MAP3K15: variants seen among roughly 807,000 people sequenced by gnomAD.
MAP3K15 encodes MAPK/ERK kinase kinase 15.
In MAP3K15, 124 loss-of-function variants were observed where a neutral mutation model predicts 99.5. The ratio of observed to expected loss-of-function variants is 1.25; its 90% CI spans 1.08 to 1.45. The LOEUF (loss-of-function observed/expected upper bound fraction) is 1.45, where lower values mean the gene tolerates loss of function less well. MAP3K15 is among the 40% of genes most tolerant of loss of function. The pLI, the probability that MAP3K15 is intolerant of heterozygous loss-of-function variation, is 0.00. For missense variants in MAP3K15, 1,242 were observed against 1,079.7 expected, an observed-to-expected ratio of 1.15 and a Z score of -2.11; for synonymous variants, 494 against 439.6, an observed-to-expected ratio of 1.12 and a Z score of -1.55.
At chrX:19,447,909 A>AAAAAAAAAAAAAAC (rs2064012619) in intron 6 of MAP3K15, among the ~76,000 whole-genome samples, 1 of 95,990 alleles carries the variant, frequency 1.0e-5, no homozygotes, top group African/African-American at 3.6e-5. Flanking sequence ...AAAAAAAGAA[A>AAAAAAAAAAAAAAC]CCCACGAAAA....
chrX:19,423,444 A>T (rs1432906828), intron 9 of MAP3K15, among the ~76,000 whole-genome samples: 4 of 110,880 alleles, frequency 3.6e-5, no homozygotes, highest in Non-Finnish European at 7.6e-5. Context: ...CTCTGACCAC[A>T]CCTTTGCTCT....
Position 19,365,497 on chromosome X carries a change from A to G in MAP3K15, c.3567-2647T>C, listed in dbSNP as rs777801416. Among the ~76,000 whole-genome samples the G allele has an allele frequency of 3.6e-5, 4 of 112,611 alleles. No individual in the cohort carries two copies. The South Asian group carries it at 1.5e-3, about 41-fold the overall frequency. On this transcript the variant is annotated intron_variant, in intron 25 of 28. Transcript: ENST00000338883. ...GGGTCTTCATGCTGAAGTTAAATAC[A>G]TGTTAAATACATTTGCATGCCTTTT...
rs1187637911 is a variant in MAP3K15 at position 19,514,968 on chromosome X, G to T, written c.294C>A (p.Leu98=). 1 of 1,145,593 alleles carries T rather than the reference G, an allele frequency of 8.7e-7. No homozygotes were observed. Among genetic ancestry groups the T allele is most frequent in the Non-Finnish European group, 1.2e-6 (1 of 868,067 alleles). 94.4% of individuals were successfully genotyped at this position (1,145,593 alleles called of 1,213,427 possible). ...CCAGCTCCCCGAAGGGCACGGAGGT[G>T]AGGTGAGCGCCCTCGGCCTCGCAGG... The part of the protein sequence containing the change: ...LRACEAEGAH[L]TSVPFGELDF... The change falls in exon 1 of 29, where the codon CTC becomes CTA. Residue 98 remains leucine (L), a synonymous_variant. Transcript: ENST00000338883.
chrX:19,430,319 G>A lies in MAP3K15; in HGVS notation c.1166+1119C>T, dbSNP rs138452729. On this transcript the variant is annotated intron_variant, in intron 7 of 28. Coordinates refer to ENST00000338883, the MANE Select transcript of MAP3K15 (RefSeq NM_001001671.4). ...GGTCTACCAGGATTAGAACCACATG[G>A]TGGAGAGCTAAGGTACAGTATCAGT... Among the ~76,000 whole-genome samples, 53 of 111,622 alleles carry A rather than the reference G, an allele frequency of 4.7e-4. 1 individual carries two copies. In the East Asian group the frequency reaches 0.014, roughly 30 times the overall value.
At chrX:19,507,373 C>T (rs979546060) in intron 1 of MAP3K15, among the ~76,000 whole-genome samples, 5 of 108,867 alleles carry the variant, frequency 4.6e-5, no homozygotes, top group Non-Finnish European at 9.5e-5. Context: ...TTCACAAACA[C>T]TGAGAACCTC....
At chrX:19,416,650 A>G (rs1358610177) in intron 9 of MAP3K15, among the ~76,000 whole-genome samples, 1 of 112,368 alleles carries the variant, frequency 8.9e-6, no homozygotes, top group African/African-American at 3.2e-5. Flanking sequence ...AAGATAAATG[A>G]AGCCAGCCTA....
At chrX:19,408,520 C>T (rs1470099869) in intron 12 of MAP3K15, 2 of 170,149 alleles carry the variant, frequency 1.2e-5, no homozygotes, top group Non-Finnish European at 1.2e-5. Flanking sequence ...AGGCATTGTG[C>T]CACACACCTG....
At position 19,462,881 on chromosome X, in the gene MAP3K15, T is replaced by A. The variant is rs1193772424; in HGVS notation, c.719+1332A>T. 5.4e-5 allele frequency among the ~76,000 whole-genome samples: 6 copies of A among 112,132 alleles called. No individual in the cohort carries two copies. In the East Asian group the frequency reaches 1.7e-3, roughly 31 times the overall value. ...TGTCAGACACTGCCAGTTCAGAGGGTGGAATCCACCAATAGGTATTTCAAG... is the reference window on the plus strand; with the variant it reads ...TGTCAGACACTGCCAGTTCAGAGGGAGGAATCCACCAATAGGTATTTCAAG... On this transcript the variant is annotated intron_variant, in intron 4 of 28. Coordinates refer to ENST00000338883, the MANE Select transcript of MAP3K15 (RefSeq NM_001001671.4).
At position 19,374,646 on chromosome X, in the gene MAP3K15, C is replaced by G. The variant is rs1448756421; in HGVS notation, c.2604G>C (p.Lys868Asn). The G allele has an allele frequency of 2.5e-6, 3 of 1,207,959 alleles. No individual in the cohort carries two copies. Among genetic ancestry groups the G allele is most frequent in the Admixed American group, 4.4e-5 (2 of 45,528 alleles). The stretch of plus-strand genomic sequence containing the variant: ...GGGCTTCTGGAATCTCAGGGTGGAT[C>G]TTAAACATGCCCACCTGCATTTAAG... ...QAAMFKVGMF[K>N]IHPEIPEALS... Residue 868 changes from lysine to asparagine, a missense_variant, in exon 20 of 29, where the codon AAG (lysine) becomes AAC (asparagine). Physicochemically the swap from Lys to Asn is moderately conservative, Grantham distance 94. Coordinates refer to ENST00000338883, the MANE Select transcript of MAP3K15 (RefSeq NM_001001671.4).
At chrX:19,362,981 G>T in intron 25 of MAP3K15, 131 bp from the exon 26 acceptor site, 1 of 392,245 alleles carries the variant, frequency 2.5e-6, no homozygotes, top group Non-Finnish European at 4.4e-6. Context: ...CTAAGAGTCA[G>T]CCTAGAGAGG....
At chrX:19,380,400 A>C in intron 18 of MAP3K15, 123 bp from the exon 19 acceptor site, 1 of 680,725 alleles carries the variant, frequency 1.5e-6, no homozygotes, top group East Asian at 3.6e-5. Context: ...GTTGGAGACC[A>C]GCCTGGACAA....
intron 1 of MAP3K15, among the ~76,000 whole-genome samples, chrX:19,509,867 AAG>A (rs1179020119): frequency 4.5e-5 from 5 of 111,754 alleles, no homozygotes; most frequent in Non-Finnish European, 5.6e-5. Context: ...TAAAGAAGAA[AAG>A]AGAGAAGAAT....
At position 19,426,246 on chromosome X, in the gene MAP3K15, C is replaced by T; in HGVS notation, c.1264G>A (p.Glu422Lys). 2 of 1,133,016 alleles carry T rather than the reference C, an allele frequency of 1.8e-6. No homozygotes were observed. The highest frequency in any genetic ancestry group is 2.3e-6 in the Non-Finnish European group (2 of 852,555). 93.4% of individuals were successfully genotyped at this position (1,133,016 alleles called of 1,213,427 possible). The change falls in exon 8 of 29, where the codon GAA (glutamate) becomes AAA (lysine). Residue 422 changes from glutamate to lysine, a missense_variant. Physicochemically the swap from Glu to Lys is moderately conservative, Grantham distance 56. Transcript: ENST00000338883. ...GCAGCTTTACCTATTTTCCTTAGTT[C>T]CAAGGAAGTTTCAAATTGTTGTCCA... ...VAGQQFETSL[E>K]LRKIGVRLNS...
chrX:19,368,731 G>A (rs2063352761), intron 25 of MAP3K15, among the ~76,000 whole-genome samples: 1 of 111,532 alleles, frequency 9.0e-6, no homozygotes, highest in Admixed American at 9.5e-5. Flanking sequence ...CATGCCAGGG[G>A]CCCCGTCTTG....
chrX:19,415,261 G>GA lies in MAP3K15; in HGVS notation c.1440-5dup. 1.7e-6 allele frequency: 2 copies of GA among 1,159,736 alleles called. No homozygotes were observed. The highest frequency in any genetic ancestry group is 4.0e-5 in the South Asian group (2 of 50,376). ...CTGAACTAATGATCGCAGGTACCTG[G>GA]AAAAATCACAAACAGCAATATATTG... On this transcript the variant is annotated splice_polypyrimidine_tract_variant and splice_region_variant and intron_variant, in intron 9 of 28. Coordinates refer to ENST00000338883, the MANE Select transcript of MAP3K15 (RefSeq NM_001001671.4).
At chrX:19,370,212 G>C (rs779119438) in intron 24 of MAP3K15, among the ~76,000 whole-genome samples, 1 of 111,584 alleles carries the variant, frequency 9.0e-6, no homozygotes, top group Admixed American at 9.5e-5. Flanking sequence ...ATTTCAAAAA[G>C]GAAATTGACA....
In MAP3K15 at chrX:19,492,217, C is replaced by T. The variant is rs868465886; in HGVS notation, c.362-3250G>A. 1.5e-4 allele frequency among the ~76,000 whole-genome samples: 17 copies of T among 110,285 alleles called. No homozygotes were observed. In the Middle Eastern group the frequency reaches 0.014, roughly 90 times the overall value. On this transcript the variant is annotated intron_variant, in intron 1 of 28. Transcript: ENST00000338883. ...ATCTCCATACCTCCCACCTCAACAA[C>T]GATCAACTCAAGGCCGGCTTTGTTT...
chrX:19,434,224 GT>G (rs765400854), intron 6 of MAP3K15, among the ~76,000 whole-genome samples: 8 of 103,920 alleles, frequency 7.7e-5, no homozygotes, highest in East Asian at 2.9e-4. Context: ...TTGGTAATAG[GT>G]TTTTTTTGTT....
intron 6 of MAP3K15, among the ~76,000 whole-genome samples, chrX:19,440,473 G>A (rs1475592975): frequency 5.2e-4 from 58 of 112,120 alleles, no homozygotes; most frequent in Admixed American, 1.9e-4. Flanking sequence ...TCAAATAAAC[G>A]TACAGATCCG....
Sources: allele counts gnomAD v4.1 joint callset (sites outside exome capture counted in the v4.1 genomes callset), GRCh38; gene constraint gnomAD v4.1.1; transcripts MANE v1.5; gene names NCBI Gene and HGNC (gene_info 2026-07-23, HGNC 2026-07-21).